The following PPIG variants were observed in gnomAD, a reference collection of about 807,000 sequenced individuals.
The protein encoded by PPIG is peptidyl-prolyl cis-trans isomerase G.
PPIG carries 26 observed loss-of-function variants against 87.9 expected under a neutral mutation model. The observed-to-expected ratio is 0.30, with a 90% CI of 0.22 to 0.41. The LOEUF is 0.41. PPIG is among the 10% of genes least tolerant of loss of function. The pLI, the probability that PPIG is intolerant of heterozygous loss-of-function variation, is 1.00. For synonymous variants in PPIG, 308 were observed against 276.5 expected, an observed-to-expected ratio of 1.11 and a Z score of -1.13; for missense variants, 722 against 879.4, an observed-to-expected ratio of 0.82 and a Z score of 2.26.
chr2:169,603,736 C>A (rs1273754994), intron 2 of PPIG, 42 bp downstream of exon 2: 2 of 310,256 alleles, frequency 6.4e-6, no homozygotes, highest in Non-Finnish European at 1.2e-5. Context: ...AGAGTAAATA[C>A]AATTTTCTGT....
At chr2:169,591,846 G>A (rs778066621) in intron 1 of PPIG, among the ~76,000 whole-genome samples, 4 of 149,574 alleles carry the variant, frequency 2.7e-5, no homozygotes, top group South Asian at 2.1e-4. Flanking sequence ...CAAATTTGCA[G>A]CAAACAAATC....
At chr2:169,631,731 A>G (rs1327082934) in intron 10 of PPIG, 35 bp from the exon 11 acceptor site, 1 of 1,612,946 alleles carries the variant, frequency 6.2e-7, no homozygotes, top group Non-Finnish European at 8.5e-7. Context: ...ATAATAACCA[A>G]CTGTAACTTG....
At chr2:169,628,948 A>C (rs971844473) in intron 9 of PPIG, among the ~76,000 whole-genome samples, 7 of 33,418 alleles carry the variant, frequency 2.1e-4, no homozygotes, top group Admixed American at 6.1e-4. Context: ...CCAAAAAAAA[A>C]AAAAAAAAAA....
At chr2:169,629,152 A>G (rs956434494) in intron 9 of PPIG, among the ~76,000 whole-genome samples, 3 of 152,134 alleles carry the variant, frequency 2.0e-5, no homozygotes, top group African/African-American at 7.2e-5. Flanking sequence ...GAACATACTA[A>G]TTTATACACA....
chr2:169,587,641 G>T (rs1684740828), intron 1 of PPIG, among the ~76,000 whole-genome samples: 1 of 152,120 alleles, frequency 6.6e-6, no homozygotes, highest in African/African-American at 2.4e-5. Context: ...TAAGAACTCG[G>T]TATTTTTATT....
chr2:169,614,008 G>A (rs1486454077), intron 7 of PPIG, among the ~76,000 whole-genome samples: 2 of 152,186 alleles, frequency 1.3e-5, no homozygotes, highest in Admixed American at 1.3e-4. Context: ...TATGTCTGAG[G>A]ATCATAAGAA....
intron 6 of PPIG, among the ~76,000 whole-genome samples, 181 bp from the exon 7 acceptor site, chr2:169,608,489 CA>C (rs55900825): frequency 1.4e-5 from 2 of 144,436 alleles, no homozygotes; most frequent in African/African-American, 2.6e-5. Flanking sequence ...GACTCCATCT[CA>C]AAAAAAAAGA....
intron 9 of PPIG, among the ~76,000 whole-genome samples, chr2:169,628,370 C>T (rs541189418): frequency 6.6e-6 from 1 of 152,298 alleles, no homozygotes; most frequent in Admixed American, 6.5e-5. Context: ...ACCTTGTTCC[C>T]ATTCTCAAGT....
Position 169,638,822 on chromosome 2 carries a change from C to G in PPIG, c.*1299C>G, listed in dbSNP as rs1048207523. The stretch of plus-strand genomic sequence containing the variant: ...GATGTGTGGCCTTTTATTCTGTAAT[C>G]TCTTCTAAATAAAACATTGAACATC... On this transcript the variant is annotated 3_prime_UTR_variant, in exon 14 of 14. Transcript: ENST00000260970. The G allele has an allele frequency of 1.3e-5, 2 of 151,918 alleles. No individual in the cohort carries two copies. Among genetic ancestry groups the G allele is most frequent in the African/African-American group, 4.8e-5 (2 of 41,414 alleles). The allele number at this position is 151,918 out of a possible 1,614,324, so 9.4% of individuals were successfully genotyped here.
intron 7 of PPIG, among the ~76,000 whole-genome samples, chr2:169,611,669 CAACA>C (rs1173298840): frequency 6.6e-6 from 1 of 152,138 alleles, no homozygotes; most frequent in East Asian, 1.9e-4. Flanking sequence ...ACCACATTCT[CAACA>C]GAGTATTATA....
intron 1 of PPIG, 200 bp downstream of exon 1, chr2:169,584,690 C>G (rs1044124316): frequency 3.0e-6 from 1 of 338,516 alleles, no homozygotes; most frequent in Non-Finnish European, 5.7e-6. Context: ...GCCGCTGTTG[C>G]AGAAGGAGAA....
At chr2:169,610,764 T>G (rs780403345) in intron 7 of PPIG, among the ~76,000 whole-genome samples, 5 of 152,242 alleles carry the variant, frequency 3.3e-5, no homozygotes, top group Non-Finnish European at 5.9e-5. Flanking sequence ...ACTCTTCACT[T>G]AACAGTATAT....
At chr2:169,628,673 C>G (rs1685957986) in intron 9 of PPIG, among the ~76,000 whole-genome samples, 1 of 151,884 alleles carries the variant, frequency 6.6e-6, no homozygotes, top group African/African-American at 2.4e-5. Flanking sequence ...GGCATGGTAG[C>G]CCACACCTGT....
At chr2:169,631,570 T>G in intron 10 of PPIG, 196 bp from the exon 11 acceptor site, 1 of 1,344,404 alleles carries the variant, frequency 7.4e-7, no homozygotes. Flanking sequence ...ATCGAAACGT[T>G]TTGTTTTGTT....
At chr2:169,614,059 AG>A (rs1455061124) in intron 7 of PPIG, among the ~76,000 whole-genome samples, 1 of 152,268 alleles carries the variant, frequency 6.6e-6, no homozygotes. Flanking sequence ...AAGATTGAAA[AG>A]CATTATTGTT....
chr2:169,598,842 T>TTTATATAAATACA (rs1346670671), intron 1 of PPIG, among the ~76,000 whole-genome samples: 2 of 148,928 alleles, frequency 1.3e-5, no homozygotes, highest in Non-Finnish European at 3.0e-5. Flanking sequence ...AATATTTATA[T>TTTATATAAATACA]GTATATAAAT....
At chr2:169,633,990 G>A (rs180988201) in intron 12 of PPIG, among the ~76,000 whole-genome samples, 11 of 151,770 alleles carry the variant, frequency 7.2e-5, no homozygotes, top group South Asian at 4.2e-4. Flanking sequence ...CACCATGCCC[G>A]GCTAATTTTT....
intron 9 of PPIG, among the ~76,000 whole-genome samples, chr2:169,621,685 C>T (rs576449377): frequency 1.6e-4 from 24 of 151,948 alleles, no homozygotes; most frequent in Non-Finnish European, 3.1e-4. Context: ...CATTATTCTT[C>T]CCAAGTCATC....
At chr2:169,584,778 TC>T (rs1344860186) in intron 1 of PPIG, 4 of 299,404 alleles carry the variant, frequency 1.3e-5, no homozygotes, top group Non-Finnish European at 2.6e-5. Flanking sequence ...GGCGCACACC[TC>T]CCTCACTGAC....
Sources: allele counts gnomAD v4.1 joint callset (sites outside exome capture counted in the v4.1 genomes callset), GRCh38; gene constraint gnomAD v4.1.1; transcripts MANE v1.5; gene names NCBI Gene and HGNC (gene_info 2026-07-23, HGNC 2026-07-21).